The following HERC3 variants were observed in gnomAD, a reference collection of about 807,000 sequenced individuals.
HERC3 encodes the protein HECT and RLD domain containing E3 ubiquitin protein ligase 3, also known as probable E3 ubiquitin-protein ligase HERC3.
Under a neutral mutation model 129.9 loss-of-function variants are expected in HERC3, and 58 were observed. The ratio of observed to expected loss-of-function variants is 0.45; its 90% CI spans 0.36 to 0.56. The LOEUF (loss-of-function observed/expected upper bound fraction) is 0.56. Ranked by LOEUF, HERC3 falls within the 20% of genes least tolerant of loss-of-function variation. HERC3 has a pLI of 0.00. For missense variants in HERC3, 835 were observed against 1,244.2 expected (o/e 0.67, Z 4.95); for synonymous variants, 430 against 451.0 (o/e 0.95, Z 0.59).
Position 88,645,748 on chromosome 4 carries a change from A to G in HERC3, c.227-4092A>G, listed in dbSNP as rs1034872441. On this transcript the variant is annotated intron_variant, in intron 3 of 25. Coordinates refer to ENST00000402738, the MANE Select transcript of HERC3 (RefSeq NM_014606.3). ...ATCACATGACTCAGAATGGTATGCA[A>G]TTTAAAACTTATGAGTTGCTTATTT... Among the ~76,000 whole-genome samples the G allele has an allele frequency of 3.3e-5, 5 of 152,282 alleles. No individual in the cohort carries two copies. In the East Asian group the frequency reaches 9.7e-4, roughly 29 times the overall value.
intron 6 of HERC3, 62 bp downstream of exon 6, chr4:88,653,152 C>T: frequency 1.3e-6 from 2 of 1,488,408 alleles, no homozygotes; most frequent in South Asian, 1.2e-5. Flanking sequence ...ACACATGCTT[C>T]TTGAGGATCT....
intron 23 of HERC3, among the ~76,000 whole-genome samples, chr4:88,687,976 C>G (rs912958792): frequency 1.7e-4 from 26 of 152,244 alleles, no homozygotes; most frequent in African/African-American, 5.5e-4. Flanking sequence ...ACACTGAGTG[C>G]CCACTGTGTG....
the HERC3 span, among the ~76,000 whole-genome samples, chr4:88,571,290 C>T: frequency 6.6e-6 from 1 of 152,180 alleles, no homozygotes; most frequent in Non-Finnish European, 1.5e-5. Flanking sequence ...AGTATCATAA[C>T]TAGTAAACAA....
intron 3 of HERC3, among the ~76,000 whole-genome samples, chr4:88,615,620 G>T (rs1724818479): frequency 6.6e-6 from 1 of 152,140 alleles, no homozygotes. Flanking sequence ...CTTGGAGAAA[G>T]TTGCTTAAAC....
At chr4:88,593,001 C>T (rs545459922) in intron 1 of HERC3, among the ~76,000 whole-genome samples, 2 of 152,264 alleles carry the variant, frequency 1.3e-5, no homozygotes, top group African/African-American at 4.8e-5. Context: ...TTCTGGGGTT[C>T]CAGGGACCTC....
the HERC3 span, among the ~76,000 whole-genome samples, chr4:88,558,745 C>T: frequency 3.3e-5 from 5 of 151,646 alleles, no homozygotes; most frequent in Non-Finnish European, 7.4e-5. Flanking sequence ...GGGCGGATCA[C>T]GAGGTCAGGA....
chr4:88,620,806 G>T (rs1034324892), intron 3 of HERC3, among the ~76,000 whole-genome samples: 5 of 151,982 alleles, frequency 3.3e-5, no homozygotes, highest in African/African-American at 1.2e-4. Context: ...CTGTAACTTG[G>T]GAACTATCTA....
chr4:88,646,309 A>G (rs1728685364), intron 3 of HERC3, among the ~76,000 whole-genome samples: 1 of 152,210 alleles, frequency 6.6e-6, no homozygotes. Context: ...TTAAAAAATT[A>G]TGATGGGCTC....
chr4:88,542,652 C>T, the HERC3 span, among the ~76,000 whole-genome samples: 1 of 152,148 alleles, frequency 6.6e-6, no homozygotes, highest in Non-Finnish European at 1.5e-5. Context: ...AATTTTACAC[C>T]AATATTGCTG....
the HERC3 span, chr4:88,527,782 ATCC>A: frequency 1.2e-5 from 4 of 321,488 alleles, no homozygotes; most frequent in South Asian, 1.2e-4. Flanking sequence ...GCTGCCGGTT[ATCC>A]TCCTTGCTGA....
chr4:88,545,429 T>TC, the HERC3 span, among the ~76,000 whole-genome samples: 11 of 129,450 alleles, frequency 8.5e-5, 1 homozygote, highest in Middle Eastern at 3.9e-3. Flanking sequence ...TTTTGAGAAT[T>TC]CTTTTTTTTT....
the HERC3 span, among the ~76,000 whole-genome samples, chr4:88,557,421 C>T: frequency 3.9e-5 from 6 of 152,162 alleles, no homozygotes; most frequent in Admixed American, 3.3e-4. Context: ...TGTATTAACT[C>T]AGGTTTTCAT....
the HERC3 span, among the ~76,000 whole-genome samples, chr4:88,565,477 C>T: frequency 6.6e-6 from 1 of 152,030 alleles, no homozygotes; most frequent in African/African-American, 2.4e-5. Flanking sequence ...ACCCCTTTAT[C>T]ATTATACAAT....
rs568780307 is a variant in HERC3, at chr4:88,652,959, G to C, written c.554G>C (p.Arg185Thr). The C allele has an allele frequency of 2.5e-6, 4 of 1,614,194 alleles. No homozygotes were observed. In the African/African-American group the frequency reaches 5.3e-5, roughly 22 times the overall value. Reference sequence around the variant, plus strand: ...TCCCAAGCCAGCCCACAGAGGGTGAGGTCCCTGGAGGGGATCCCACTGGCT... The same window carrying C: ...TCCCAAGCCAGCCCACAGAGGGTGACGTCCCTGGAGGGGATCCCACTGGCT... ...FPSQASPQRVRSLEGIPLAQV... is the reference protein window; with the variant it reads ...FPSQASPQRVTSLEGIPLAQV... The change falls in exon 6 of 26, where the codon AGG becomes ACG. Residue 185 changes from arginine (R) to threonine (T), a missense_variant. Coordinates refer to ENST00000402738, the MANE Select transcript of HERC3 (RefSeq NM_014606.3).
At chr4:88,682,438 C>T (rs1401902592) in intron 21 of HERC3, among the ~76,000 whole-genome samples, 1 of 151,958 alleles carries the variant, frequency 6.6e-6, no homozygotes, top group Admixed American at 6.6e-5. Context: ...CGTCATTTAA[C>T]ATTAGATGTA....
chr4:88,679,538 G>A (rs934917829), intron 19 of HERC3, among the ~76,000 whole-genome samples: 5 of 64,578 alleles, frequency 7.7e-5, no homozygotes, highest in African/African-American at 3.2e-4. Flanking sequence ...TTTTTTTTTT[G>A]TCGGAGTTTC....
intron 3 of HERC3, among the ~76,000 whole-genome samples, chr4:88,636,143 T>G (rs1248953061): frequency 1.3e-5 from 2 of 152,140 alleles, no homozygotes; most frequent in Non-Finnish European, 2.9e-5. Context: ...AATTCACACA[T>G]AACAGTATTA....
intron 18 of HERC3, among the ~76,000 whole-genome samples, 154 bp downstream of exon 18, chr4:88,676,577 A>G (rs937521493): frequency 6.6e-6 from 1 of 152,250 alleles, no homozygotes; most frequent in African/African-American, 2.4e-5. Context: ...TTTTGTGTTG[A>G]ATATAACACA....
At chr4:88,655,750 T>G (rs1729824935) in intron 8 of HERC3, 125 bp from the exon 9 acceptor site, 1 of 881,662 alleles carries the variant, frequency 1.1e-6, no homozygotes, top group Admixed American at 2.4e-5. Context: ...GAGTCACGTG[T>G]TAACATGGGA....
Sources: gnomAD v4.1 joint callset for allele counts (sites outside exome capture counted in the v4.1 genomes callset) on GRCh38, gnomAD v4.1.1 for gene constraint, MANE v1.5 for transcripts, NCBI Gene and HGNC (gene_info 2026-07-23, HGNC 2026-07-21) for gene names.